Variants in ERBB4 observed in about 807,000 individuals in gnomAD.
The protein encoded by ERBB4 is erb-b2 receptor tyrosine kinase 4, also known as receptor tyrosine-protein kinase erbB-4.
In ERBB4, 42 loss-of-function variants were observed where a neutral mutation model predicts 158.0. The ratio of observed to expected loss-of-function variants is 0.27; its 90% CI spans 0.21 to 0.34. The LOEUF is 0.34. Ranked by LOEUF, ERBB4 falls within the 10% of genes least tolerant of loss-of-function variation. The pLI is 1.00. For synonymous variants in ERBB4, 583 were observed against 558.7 expected, an observed-to-expected ratio of 1.04 and a Z score of -0.61; for missense variants, 1,333 against 1,624.1, an observed-to-expected ratio of 0.82 and a Z score of 3.08.
At chr2:211,488,000 T>C (rs2065248781) in intron 20 of ERBB4, among the ~76,000 whole-genome samples, 1 of 151,868 alleles carries the variant, frequency 6.6e-6, no homozygotes, top group Non-Finnish European at 1.5e-5. Flanking sequence ...AATTAAGAAA[T>C]GTCAGTGCTT....
intron 2 of ERBB4, among the ~76,000 whole-genome samples, chr2:212,024,680 A>G (rs2076733304): frequency 6.6e-6 from 1 of 151,886 alleles, no homozygotes; most frequent in African/African-American, 2.4e-5. Flanking sequence ...CACTCTCTTC[A>G]TGTGTTGTCC....
chr2:211,520,674 T>G (rs1027979722), intron 20 of ERBB4, among the ~76,000 whole-genome samples: 2 of 152,114 alleles, frequency 1.3e-5, no homozygotes, highest in Non-Finnish European at 2.9e-5. Flanking sequence ...CTTTCTACCG[T>G]GCTTTAGTTG....
intron 1 of ERBB4, among the ~76,000 whole-genome samples, chr2:212,134,676 C>CTTTTTTTTTT (rs869141215): frequency 1.4e-5 from 1 of 69,062 alleles, no homozygotes; most frequent in African/African-American, 6.3e-5. Flanking sequence ...TAAACACTTT[C>CTTTTTTTTTT]TTTTTTTTTT....
At chr2:212,463,437 A>T (rs1014856491) in intron 1 of ERBB4, among the ~76,000 whole-genome samples, 2 of 152,098 alleles carry the variant, frequency 1.3e-5, no homozygotes, top group Non-Finnish European at 2.9e-5. Flanking sequence ...AGATTAAGAT[A>T]TATCTATCTA....
chr2:211,858,153 A>G (rs1427665244), intron 3 of ERBB4, among the ~76,000 whole-genome samples: 4 of 152,168 alleles, frequency 2.6e-5, no homozygotes, highest in Admixed American at 2.6e-4. Context: ...AGAGTGTGGA[A>G]GAGGTGAAGA....
chr2:211,810,959 C>G (rs564682252), intron 3 of ERBB4, among the ~76,000 whole-genome samples: 1 of 152,170 alleles, frequency 6.6e-6, no homozygotes, highest in African/African-American at 2.4e-5. Flanking sequence ...CAGGCGTGAG[C>G]CACCGCGCCT....
chr2:211,849,138 T>C (rs374880203), intron 3 of ERBB4, among the ~76,000 whole-genome samples: 4 of 151,968 alleles, frequency 2.6e-5, no homozygotes, highest in African/African-American at 9.7e-5. Context: ...TGCAGAAATA[T>C]GGAAGACATA....
rs575809442 is a variant in ERBB4 at position 212,506,116 on chromosome 2, T to C, written c.82+32333A>G. ...ATTTCAAACTTTATTATTATATCTA[T>C]TATGGTGATCTGTAATCAGTGATCT... On this transcript the variant is annotated intron_variant, in intron 1 of 27. Transcript: ENST00000342788. Among the ~76,000 whole-genome samples, 175 of 148,762 alleles carry C rather than the reference T, an allele frequency of 1.2e-3. 26 individuals carry two copies. The highest frequency in any genetic ancestry group is 6.9e-3 in the Middle Eastern group (2 of 290).
At chr2:212,337,922 A>T (rs1180143406) in intron 1 of ERBB4, among the ~76,000 whole-genome samples, 1 of 152,002 alleles carries the variant, frequency 6.6e-6, no homozygotes, top group African/African-American at 2.4e-5. Context: ...TTAACTCATA[A>T]ATCTTCTCCG....
At chr2:211,665,259 C>T in intron 15 of ERBB4, 64 bp downstream of exon 15, 9 of 1,499,626 alleles carry the variant, frequency 6.0e-6, no homozygotes, top group Non-Finnish European at 7.4e-6. Flanking sequence ...GAGATGGTAC[C>T]AGGGATAAAG....
chr2:211,753,232 T>C (rs189515873), intron 4 of ERBB4, among the ~76,000 whole-genome samples: 1 of 152,200 alleles, frequency 6.6e-6, no homozygotes, highest in Admixed American at 6.5e-5. Context: ...TTGTAGATAA[T>C]TGGGAAGTAC....
At chr2:211,718,818 C>G (rs7422905) in intron 7 of ERBB4, among the ~76,000 whole-genome samples, 116,756 of 151,486 alleles carry the variant, frequency 0.77, 45,268 homozygotes, top group African/African-American at 0.83. Context: ...CAGAATACCT[C>G]CATCAGCTGT....
intron 3 of ERBB4, among the ~76,000 whole-genome samples, chr2:211,917,645 C>CA (rs1193184425): frequency 6.6e-6 from 1 of 151,984 alleles, no homozygotes; most frequent in Non-Finnish European, 1.5e-5. Flanking sequence ...CAGTATAGTG[C>CA]TAAAAAATGC....
Position 211,893,642 on chromosome 2 carries a change from A to C in ERBB4, c.421+53788T>G, listed in dbSNP as rs1283366444. ...ACAGGCAACCTACAAAATGGGAGAA[A>C]ATTTTCGCAACCTACTCATCTGACA... On this transcript the variant is annotated intron_variant, in intron 3 of 27. Transcript: ENST00000342788. 2.3e-3 allele frequency among the ~76,000 whole-genome samples: 312 copies of C among 133,960 alleles called. 33 individuals carry two copies. The highest frequency in any genetic ancestry group is 9.2e-3 in the African/African-American group (287 of 31,110). 87.9% of individuals were successfully genotyped at this position (133,960 alleles called of 152,430 possible). A position where few individuals can be genotyped will look rare whatever the true frequency, so the allele number is the denominator to read the frequency against.
At chr2:211,406,738 TAAAC>T (rs763091878) in intron 25 of ERBB4, among the ~76,000 whole-genome samples, 3 of 151,634 alleles carry the variant, frequency 2.0e-5, no homozygotes, top group Non-Finnish European at 2.9e-5. Flanking sequence ...AGATAGATAA[TAAAC>T]AAAAAATAGT....
At chr2:211,870,266 A>C (rs924107388) in intron 3 of ERBB4, among the ~76,000 whole-genome samples, 2 of 152,188 alleles carry the variant, frequency 1.3e-5, no homozygotes, top group African/African-American at 2.4e-5. Context: ...TCTCAAGTAC[A>C]AGTGGCCATA....
intron 20 of ERBB4, among the ~76,000 whole-genome samples, chr2:211,481,701 C>T (rs974138154): frequency 6.6e-6 from 1 of 151,810 alleles, no homozygotes; most frequent in East Asian, 1.9e-4. Flanking sequence ...GCCTATAGCA[C>T]AATAGGACGA....
chr2:212,075,848 G>A (rs1208595557), intron 2 of ERBB4, among the ~76,000 whole-genome samples: 1 of 151,812 alleles, frequency 6.6e-6, no homozygotes, highest in African/African-American at 2.4e-5. Flanking sequence ...ATGGGAAGAA[G>A]CACAAATAAT....
chr2:212,538,017 C>T (rs946526285), intron 1 of ERBB4, among the ~76,000 whole-genome samples: 1 of 152,136 alleles, frequency 6.6e-6, no homozygotes, highest in Non-Finnish European at 1.5e-5. Flanking sequence ...CCTTCGGGCT[C>T]GGCTCGGGAG....
Sources: allele counts gnomAD v4.1 joint callset (sites outside exome capture counted in the v4.1 genomes callset), GRCh38; gene constraint gnomAD v4.1.1; transcripts MANE v1.5; gene names NCBI Gene and HGNC (gene_info 2026-07-23, HGNC 2026-07-21).